The following CACNA2D2 variants were observed in gnomAD, a reference collection of about 807,000 sequenced individuals.
The protein encoded by CACNA2D2 is voltage-dependent calcium channel subunit alpha-2/delta-2.
A neutral mutation model predicts 166.4 loss-of-function variants in CACNA2D2; 48 were observed. The ratio of observed to expected loss-of-function variants is 0.29; its 90% CI spans 0.23 to 0.37. The LOEUF (loss-of-function observed/expected upper bound fraction) is 0.37, where lower values mean the gene tolerates loss of function less well. Ranked by LOEUF, CACNA2D2 falls within the 10% of genes least tolerant of loss-of-function variation. The pLI, the probability that CACNA2D2 is intolerant of heterozygous loss-of-function variation, is 1.00. For missense variants in CACNA2D2, 1,122 were observed against 1,433.0 expected, an observed-to-expected ratio of 0.78 and a Z score of 3.50; for synonymous variants, 561 against 573.7, an observed-to-expected ratio of 0.98 and a Z score of 0.32.
At chr3:50,439,951 T>C (rs1330265127) in intron 2 of CACNA2D2, among the ~76,000 whole-genome samples, 3 of 152,220 alleles carry the variant, frequency 2.0e-5, no homozygotes, top group African/African-American at 4.8e-5. Flanking sequence ...CCTGGCCTTC[T>C]GCCTCAGTGA....
chr3:50,412,292 C>T (rs1314841392), intron 3 of CACNA2D2, among the ~76,000 whole-genome samples: 1 of 152,270 alleles, frequency 6.6e-6, no homozygotes, highest in Non-Finnish European at 1.5e-5. Flanking sequence ...GCTAGGCTGG[C>T]TGTGGGCCCT....
At chr3:50,502,943 C>T (rs543195234) in intron 1 of CACNA2D2, among the ~76,000 whole-genome samples, 4 of 152,358 alleles carry the variant, frequency 2.6e-5, no homozygotes, top group East Asian at 1.9e-4. Flanking sequence ...ACCGCCCCCC[C>T]CCAACTCCTC....
chr3:50,366,535 G>T lies in CACNA2D2; in HGVS notation c.2637+43C>A, dbSNP rs765682251. On this transcript the variant is annotated intron_variant, in intron 30 of 37. Coordinates refer to ENST00000424201, the MANE Select transcript of CACNA2D2 (RefSeq NM_006030.4). This position sits in a 1 kb window ranked among gnomAD's most constrained non-coding sequence, Gnocchi z 5.9. ...GCGGCTGGGACTAGGAAGTCTGGAA[G>T]TGGGGTAAGCTAGGGTCCAGGGTAG... 6.2e-7 allele frequency: 1 copy of T among 1,606,034 alleles called. No individual in the cohort carries two copies. Among genetic ancestry groups the T allele is most frequent in the South Asian group, 1.1e-5 (1 of 90,908 alleles).
chr3:50,474,446 G>C (rs1480377318), intron 2 of CACNA2D2, among the ~76,000 whole-genome samples: 5 of 152,170 alleles, frequency 3.3e-5, no homozygotes, highest in African/African-American at 4.8e-5. Flanking sequence ...GCACATGATG[G>C]TACGCTGAGC....
intron 22 of CACNA2D2, among the ~76,000 whole-genome samples, chr3:50,370,760 A>G (rs1704615992): frequency 6.6e-6 from 1 of 151,914 alleles, no homozygotes; most frequent in Non-Finnish European, 1.5e-5. Context: ...GGTCTGGGGG[A>G]GGCGCCAGTC....
In CACNA2D2 at chr3:50,379,631, G is replaced by A. The variant is rs587663381; in HGVS notation, c.994-41C>T. ...GGTGGTGAGTGGCCTCAGGCTGGCCGGGGTAGGCAGCTATTGCATGGGGCT... is the reference window on the plus strand; with the variant it reads ...GGTGGTGAGTGGCCTCAGGCTGGCCAGGGTAGGCAGCTATTGCATGGGGCT... On this transcript the variant is annotated intron_variant, in intron 10 of 37. Coordinates refer to ENST00000424201, the MANE Select transcript of CACNA2D2 (RefSeq NM_006030.4). This position sits in a 1 kb window ranked among gnomAD's most constrained non-coding sequence, Gnocchi z 6.5. 8 of 1,612,434 alleles carry A rather than the reference G, an allele frequency of 5.0e-6. No homozygotes were observed. The highest frequency in any genetic ancestry group is 4.0e-5 in the African/African-American group (3 of 75,038).
Position 50,364,436 on chromosome 3 carries a change from G to A in CACNA2D2, c.*230C>T. 1.8e-6 allele frequency: 1 copy of A among 553,268 alleles called. No homozygotes were observed. The highest frequency in any genetic ancestry group is 3.1e-5 in the East Asian group (1 of 32,144). The allele number at this position is 553,268 out of a possible 1,614,324, so 34.3% of individuals were successfully genotyped here. ...AGCCCAGCAGGCAAGAAGGGTCTGGGGACACTTGAACAGTTCGGAGGTGAG... is the reference window on the plus strand; with the variant it reads ...AGCCCAGCAGGCAAGAAGGGTCTGGAGACACTTGAACAGTTCGGAGGTGAG... On this transcript the variant is annotated 3_prime_UTR_variant, in exon 38 of 38. Transcript: ENST00000424201.
In CACNA2D2 at chr3:50,380,077, T is replaced by C; in HGVS notation, c.843-59A>G. On this transcript the variant is annotated intron_variant, in intron 8 of 37. Transcript: ENST00000424201. This position sits in a 1 kb window ranked among gnomAD's most constrained non-coding sequence, Gnocchi z 4.9. ...CACTGGGACCTTGTGGGTCCTTCCTTCCTTCACATACATATTGATTCAATA... is the reference window on the plus strand; with the variant it reads ...CACTGGGACCTTGTGGGTCCTTCCTCCCTTCACATACATATTGATTCAATA... 1 of 1,529,594 alleles carries C rather than the reference T, an allele frequency of 6.5e-7. No individual in the cohort carries two copies. Among genetic ancestry groups the C allele is most frequent in the Non-Finnish European group, 9.1e-7 (1 of 1,103,630 alleles). The allele number at this position is 1,529,594 out of a possible 1,614,324, so 94.8% of individuals were successfully genotyped here. A position where few individuals can be genotyped will look rare whatever the true frequency, so the allele number is the denominator to read the frequency against.
At chr3:50,385,031 T>C (rs1425198194) in intron 5 of CACNA2D2, among the ~76,000 whole-genome samples, 1 of 152,182 alleles carries the variant, frequency 6.6e-6, no homozygotes, top group East Asian at 1.9e-4. Context: ...CACAGCAGCC[T>C]GACAGGTGCC....
chr3:50,444,107 T>C lies in CACNA2D2; in HGVS notation c.289-9678A>G, dbSNP rs549769257. ...CTCCATCCACCCCTCACAACCCTGA[T>C]AGGTCAGGTGAGCAACCTTCTTCAG... On this transcript the variant is annotated intron_variant, in intron 2 of 37. Coordinates refer to ENST00000424201, the MANE Select transcript of CACNA2D2 (RefSeq NM_006030.4). Among the ~76,000 whole-genome samples the C allele has an allele frequency of 2.1e-3, 316 of 152,288 alleles. 1 individual carries two copies. The highest frequency in any genetic ancestry group is 7.1e-3 in the African/African-American group (295 of 41,556).
intron 2 of CACNA2D2, among the ~76,000 whole-genome samples, chr3:50,439,218 C>G (rs1708481667): frequency 6.6e-6 from 1 of 152,168 alleles, no homozygotes; most frequent in Non-Finnish European, 1.5e-5. Flanking sequence ...CAGGCAGAGG[C>G]TGAAAGACTG....
At chr3:50,446,891 C>T (rs1277367649) in intron 2 of CACNA2D2, among the ~76,000 whole-genome samples, 4 of 152,136 alleles carry the variant, frequency 2.6e-5, no homozygotes, top group African/African-American at 7.2e-5. Flanking sequence ...AAACCATCTT[C>T]GTTTGTAAGG....
At chr3:50,491,468 CAATT>C (rs1393476077) in intron 1 of CACNA2D2, among the ~76,000 whole-genome samples, 1 of 152,166 alleles carries the variant, frequency 6.6e-6, no homozygotes, top group Non-Finnish European at 1.5e-5. Context: ...GTGGCTTAAA[CAATT>C]AAACATGCTG....
chr3:50,378,354 G>C, intron 13 of CACNA2D2, 21 bp from the exon 14 acceptor site: 1 of 1,551,232 alleles, frequency 6.4e-7, no homozygotes. Flanking sequence ...AGGAGAGGCA[G>C]AGGTGGGCCT....
chr3:50,410,661 C>G (rs1410126015), intron 3 of CACNA2D2, among the ~76,000 whole-genome samples: 1 of 152,228 alleles, frequency 6.6e-6, no homozygotes. Context: ...CTCCTGCCCA[C>G]AAGGCCACTC....
intron 2 of CACNA2D2, among the ~76,000 whole-genome samples, chr3:50,445,388 T>TGTGAATGTGTAA (rs1215120998): frequency 1.3e-5 from 2 of 152,190 alleles, no homozygotes; most frequent in African/African-American, 4.8e-5. Context: ...CCAGAGTCAC[T>TGTGAATGTGTAA]GTGAATGTGC....
chr3:50,444,842 G>T (rs1332638484), intron 2 of CACNA2D2, among the ~76,000 whole-genome samples: 6 of 152,168 alleles, frequency 3.9e-5, no homozygotes, highest in Admixed American at 2.6e-4. Flanking sequence ...GGCCTCTTTT[G>T]GGGCAAGGTG....
chr3:50,490,484 AC>A (rs35841362), intron 1 of CACNA2D2, among the ~76,000 whole-genome samples: 1 of 151,562 alleles, frequency 6.6e-6, no homozygotes, highest in African/African-American at 2.4e-5. Context: ...GTCTCTGGAC[AC>A]CCCCTTTACT....
chr3:50,463,277 G>A (rs1709673624), intron 2 of CACNA2D2, among the ~76,000 whole-genome samples: 1 of 152,106 alleles, frequency 6.6e-6, no homozygotes, highest in South Asian at 2.1e-4. Flanking sequence ...GACAGTGCCA[G>A]GTGGTAAGGA....
Sources: gnomAD v4.1 joint callset for allele counts (sites outside exome capture counted in the v4.1 genomes callset) on GRCh38, gnomAD v4.1.1 for gene constraint, Gnocchi (gnomAD v3.1) non-coding constraint, MANE v1.5 for transcripts, NCBI Gene and HGNC (gene_info 2026-07-23, HGNC 2026-07-21) for gene names.